The following RAB8B variants were observed in gnomAD, a reference collection of about 807,000 sequenced individuals.
RAB8B encodes ras-related protein Rab-8B.
In RAB8B, 11 loss-of-function variants were observed where a neutral mutation model predicts 32.0. That is an observed-to-expected ratio of 0.34 (90% confidence interval 0.22 to 0.57). The LOEUF (loss-of-function observed/expected upper bound fraction) is 0.57. Ranked by LOEUF, RAB8B falls within the 20% of genes least tolerant of loss-of-function variation. RAB8B has a pLI of 0.86. For missense variants in RAB8B, 190 were observed against 258.5 expected, an observed-to-expected ratio of 0.73 and a Z score of 1.82; for synonymous variants, 103 against 89.6, an observed-to-expected ratio of 1.15 and a Z score of -0.85.
chr15:63,226,478 T>C (rs1325001040), intron 1 of RAB8B, among the ~76,000 whole-genome samples: 1 of 152,234 alleles, frequency 6.6e-6, no homozygotes, highest in East Asian at 1.9e-4. Context: ...ATATTACCTA[T>C]GCAAAATAGA....
At chr15:63,247,864 C>T (rs1289331987) in intron 2 of RAB8B, among the ~76,000 whole-genome samples, 3 of 152,152 alleles carry the variant, frequency 2.0e-5, no homozygotes, top group African/African-American at 7.2e-5. Context: ...CTCAACTGCC[C>T]TGGAACATAG....
intron 1 of RAB8B, among the ~76,000 whole-genome samples, chr15:63,240,370 G>C (rs1286527218): frequency 1.3e-5 from 2 of 152,164 alleles, no homozygotes; most frequent in Non-Finnish European, 2.9e-5. Flanking sequence ...AGAGTTCCCA[G>C]AGCACGTTCA....
intron 5 of RAB8B, among the ~76,000 whole-genome samples, chr15:63,257,519 G>T (rs572457017): frequency 6.6e-6 from 1 of 151,978 alleles, no homozygotes; most frequent in Non-Finnish European, 1.5e-5. Context: ...CACCTGCCTC[G>T]GCCTCCCAAA....
rs2038242213 is a variant in RAB8B, at chr15:63,265,870, A to C, written c.*2251A>C. 6.6e-6 allele frequency: 1 copy of C among 152,576 alleles called. No individual in the cohort carries two copies. The highest frequency in any genetic ancestry group is 1.5e-5 in the Non-Finnish European group (1 of 67,984). 9.5% of individuals were successfully genotyped at this position (152,576 alleles called of 1,614,324 possible). ...AGCCTGTAAAAGTTAGATGAGTCTA[A>C]AAGTGCTCTTTGAAGTAGCAGCAAA... On this transcript the variant is annotated 3_prime_UTR_variant, in exon 8 of 8. Transcript: ENST00000321437. This position sits in a 1 kb window ranked among gnomAD's most constrained non-coding sequence, Gnocchi z 4.9.
Position 63,226,174 on chromosome 15 carries a change from C to A in RAB8B, c.125-18582C>A, listed in dbSNP as rs367791145. 6.7e-4 allele frequency among the ~76,000 whole-genome samples: 102 copies of A among 152,306 alleles called. 1 individual carries two copies. The highest frequency in any genetic ancestry group is 2.4e-3 in the African/African-American group (100 of 41,548). On this transcript the variant is annotated intron_variant, in intron 1 of 7. Coordinates refer to ENST00000321437, the MANE Select transcript of RAB8B (RefSeq NM_016530.3). ...TTGTCAAATTAAATCTTGAAATTTG[C>A]CCTTGCCTTAGTCAATCTGATTTTC...
chr15:63,196,781 T>C (rs1203543209), intron 1 of RAB8B, among the ~76,000 whole-genome samples: 1 of 152,220 alleles, frequency 6.6e-6, no homozygotes, highest in Admixed American at 6.5e-5. Flanking sequence ...CTTCCCCCAG[T>C]ATAAAATGCT....
intron 1 of RAB8B, among the ~76,000 whole-genome samples, chr15:63,200,271 C>G (rs888204751): frequency 8.5e-5 from 13 of 152,152 alleles, no homozygotes; most frequent in African/African-American, 2.9e-4. Context: ...GAAGAAGTAG[C>G]ATTAGTTAAT....
At chr15:63,240,311 G>A (rs1337727601) in intron 1 of RAB8B, among the ~76,000 whole-genome samples, 4 of 152,204 alleles carry the variant, frequency 2.6e-5, no homozygotes, top group African/African-American at 9.7e-5. Context: ...GACAAGAGCT[G>A]TAGGGTTATA....
rs199798306 is a variant in RAB8B at position 63,233,030 on chromosome 15, C to CT, written c.125-11718dup. ...TTATGAAAGAACAATGCCTTGACCT[C>CT]TTTTTTTTCAATCTAAGTAGCATTC... On this transcript the variant is annotated intron_variant, in intron 1 of 7. Coordinates refer to ENST00000321437, the MANE Select transcript of RAB8B (RefSeq NM_016530.3). Among the ~76,000 whole-genome samples the CT allele has an allele frequency of 2.8e-3, 399 of 140,226 alleles. 3 individuals carry two copies. The highest frequency in any genetic ancestry group is 8.4e-3 in the African/African-American group (326 of 38,862). 92.0% of individuals were successfully genotyped at this position (140,226 alleles called of 152,430 possible).
intron 1 of RAB8B, among the ~76,000 whole-genome samples, chr15:63,238,714 T>C (rs2038005454): frequency 6.6e-6 from 1 of 152,170 alleles, no homozygotes; most frequent in South Asian, 2.1e-4. Flanking sequence ...GCCTTTCTAT[T>C]CTATTTTTAG....
chr15:63,256,895 G>T (rs1177650483), intron 5 of RAB8B, among the ~76,000 whole-genome samples: 3 of 152,176 alleles, frequency 2.0e-5, no homozygotes, highest in South Asian at 2.1e-4. Context: ...TTCCAGATCT[G>T]TGTGAAAATG....
chr15:63,199,148 C>T (rs72747088), intron 1 of RAB8B, among the ~76,000 whole-genome samples: 5,890 of 152,294 alleles, frequency 0.039, 156 homozygotes, highest in South Asian at 0.077. Context: ...GCACCTCACC[C>T]ATACCAAGAT....
chr15:63,237,595 G>A (rs181381993), intron 1 of RAB8B, among the ~76,000 whole-genome samples: 73 of 152,206 alleles, frequency 4.8e-4, no homozygotes, highest in African/African-American at 1.8e-3. Context: ...ATTTTTTCCT[G>A]TAGAGCTGTT....
Position 63,259,519 on chromosome 15 carries a change from C to G in RAB8B, c.415-108C>G. 1 of 906,620 alleles carries G rather than the reference C, an allele frequency of 1.1e-6. No individual in the cohort carries two copies. The highest frequency in any genetic ancestry group is 1.7e-6 in the Non-Finnish European group (1 of 586,224). The allele number at this position is 906,620 out of a possible 1,614,324, so 56.2% of individuals were successfully genotyped here. On this transcript the variant is annotated intron_variant, in intron 5 of 7. Transcript: ENST00000321437. This position sits in a 1 kb window ranked among gnomAD's most constrained non-coding sequence, Gnocchi z 4.4. ...AAGAAATTTGAGAACCACAGGAGTT[C>G]TGAAATAGATACCCTACCTTTGAGA... is the stretch of plus-strand genomic sequence containing the variant.
chr15:63,256,349 C>T (rs2038158769), intron 4 of RAB8B, among the ~76,000 whole-genome samples, 156 bp from the exon 5 acceptor site: 1 of 152,130 alleles, frequency 6.6e-6, no homozygotes, highest in Non-Finnish European at 1.5e-5. Flanking sequence ...TAGCTTTGCC[C>T]CTCTTCCCAT....
At chr15:63,210,480 C>T (rs2037737789) in intron 1 of RAB8B, among the ~76,000 whole-genome samples, 1 of 152,218 alleles carries the variant, frequency 6.6e-6, no homozygotes, top group African/African-American at 2.4e-5. Flanking sequence ...TGAAAGCAAA[C>T]CTGGGTAAGA....
At chr15:63,227,757 G>T (rs2037900789) in intron 1 of RAB8B, among the ~76,000 whole-genome samples, 2 of 152,238 alleles carry the variant, frequency 1.3e-5, no homozygotes, top group South Asian at 4.1e-4. Context: ...ACAGAAAGAT[G>T]AGTTAAAAAT....
intron 1 of RAB8B, among the ~76,000 whole-genome samples, chr15:63,213,114 A>G (rs987572267): frequency 6.6e-6 from 1 of 152,040 alleles, no homozygotes; most frequent in African/African-American, 2.4e-5. Flanking sequence ...GGTTCTGACT[A>G]TTCTCTTTTC....
chr15:63,194,052 T>G (rs2037581079), intron 1 of RAB8B, among the ~76,000 whole-genome samples: 1 of 152,194 alleles, frequency 6.6e-6, no homozygotes, highest in Non-Finnish European at 1.5e-5. Flanking sequence ...CAATCAGAGC[T>G]TCTTCCCTTT....
Sources: allele counts gnomAD v4.1 joint callset (sites outside exome capture counted in the v4.1 genomes callset), GRCh38; gene constraint gnomAD v4.1.1; non-coding constraint Gnocchi (gnomAD v3.1); transcripts MANE v1.5; gene names NCBI Gene and HGNC (gene_info 2026-07-23, HGNC 2026-07-21).